BRD10: variants seen among roughly 807,000 people sequenced by gnomAD.
The protein encoded by BRD10 is bromodomain containing 10.
chr9:5,990,250 T>A, the BRD10 span, among the ~76,000 whole-genome samples: 2 of 152,322 alleles, frequency 1.3e-5, no homozygotes, highest in Admixed American at 1.3e-4. Context: ...GGGTGTACTT[T>A]AATTTATTTT....
chr9:5,903,328 T>C, the BRD10 span, among the ~76,000 whole-genome samples: 2 of 152,222 alleles, frequency 1.3e-5, no homozygotes, highest in Non-Finnish European at 2.9e-5. Context: ...AGATGTCTAT[T>C]ATATCTAGTT....
At chr9:5,953,690 A>G in the BRD10 span, among the ~76,000 whole-genome samples, 3 of 151,806 alleles carry the variant, frequency 2.0e-5, no homozygotes, top group Non-Finnish European at 4.4e-5. Flanking sequence ...TATTATATAT[A>G]TATACATACA....
At chr9:5,918,711 A>C in the BRD10 span, among the ~76,000 whole-genome samples, 3 of 148,044 alleles carry the variant, frequency 2.0e-5, no homozygotes, top group East Asian at 5.9e-4. Context: ...ACACCAACCT[A>C]ATACTTGGGG....
chr9:5,981,459 A>G, the BRD10 span, among the ~76,000 whole-genome samples: 1 of 152,208 alleles, frequency 6.6e-6, no homozygotes, highest in Non-Finnish European at 1.5e-5. Context: ...CTGGCAGAGG[A>G]GAGACACTGA....
the BRD10 span, among the ~76,000 whole-genome samples, chr9:6,004,981 A>G: frequency 5.9e-5 from 9 of 152,214 alleles, no homozygotes; most frequent in Non-Finnish European, 1.0e-4. Context: ...ATTTGAGGTC[A>G]TACTACTTTT....
the BRD10 span, among the ~76,000 whole-genome samples, chr9:5,912,128 T>C: frequency 6.6e-6 from 1 of 152,234 alleles, no homozygotes; most frequent in Non-Finnish European, 1.5e-5. Context: ...TATTTTATTT[T>C]ATTTGCAGCT....
the BRD10 span, among the ~76,000 whole-genome samples, chr9:5,930,258 C>T: frequency 6.6e-6 from 1 of 151,236 alleles, no homozygotes; most frequent in Non-Finnish European, 1.5e-5. Flanking sequence ...CCTACAGCAA[C>T]TGTTGAGTCC....
At chr9:5,941,265 A>C in the BRD10 span, among the ~76,000 whole-genome samples, 3 of 152,200 alleles carry the variant, frequency 2.0e-5, no homozygotes, top group African/African-American at 7.2e-5. Context: ...AAAACTAATA[A>C]ATTTTCTACA....
chr9:5,909,458 A>T, the BRD10 span: 1 of 152,176 alleles, frequency 6.6e-6, no homozygotes, highest in Non-Finnish European at 1.5e-5. Flanking sequence ...GGGTTTCTCC[A>T]TGTTGGTCAG....
At chr9:5,934,820 G>A in the BRD10 span, among the ~76,000 whole-genome samples, 3 of 151,982 alleles carry the variant, frequency 2.0e-5, no homozygotes, top group South Asian at 4.2e-4. Context: ...ATATCCAAAG[G>A]TATAATCTAA....
At chr9:5,942,908 G>A in the BRD10 span, among the ~76,000 whole-genome samples, 1 of 152,066 alleles carries the variant, frequency 6.6e-6, no homozygotes, top group South Asian at 2.1e-4. Context: ...GTCAGGCTCT[G>A]GTTCTGTTGC....
the BRD10 span, among the ~76,000 whole-genome samples, chr9:5,903,043 A>C: frequency 6.6e-6 from 1 of 152,196 alleles, no homozygotes. Context: ...CATTTAATTC[A>C]AAATATATTT....
chr9:5,969,458 T>C, the BRD10 span: 1 of 1,418,826 alleles, frequency 7.0e-7, no homozygotes, highest in African/African-American at 1.5e-5. Context: ...TAACAAATTA[T>C]ACTATTATTA....
the BRD10 span, among the ~76,000 whole-genome samples, chr9:5,984,369 A>G: frequency 3.9e-4 from 59 of 152,250 alleles, 1 homozygote; most frequent in African/African-American, 1.2e-3. Flanking sequence ...CAAGTGGTAC[A>G]GCATTATTTG....
the BRD10 span, chr9:5,898,860 A>T: frequency 6.6e-6 from 1 of 152,238 alleles, no homozygotes; most frequent in Non-Finnish European, 1.5e-5. Flanking sequence ...GCATCAGCAC[A>T]AAGGGTCACT....
chr9:5,977,803 C>A, the BRD10 span, among the ~76,000 whole-genome samples: 1 of 152,170 alleles, frequency 6.6e-6, no homozygotes, highest in African/African-American at 2.4e-5. Context: ...TCACTGCACT[C>A]CAGCCTGGGC....
At chr9:5,912,228 C>T in the BRD10 span, among the ~76,000 whole-genome samples, 75 of 152,080 alleles carry the variant, frequency 4.9e-4, no homozygotes, top group African/African-American at 1.7e-3. Flanking sequence ...GATTTTGTAC[C>T]CTGCAACTTT....
chr9:5,923,055 C>T, the BRD10 span: 9 of 1,613,986 alleles, frequency 5.6e-6, no homozygotes, highest in Non-Finnish European at 6.8e-6. Context: ...AATGATGGCT[C>T]TGTATGCTTT....
chr9:5,938,954 C>T, the BRD10 span, among the ~76,000 whole-genome samples: 1 of 152,072 alleles, frequency 6.6e-6, no homozygotes. Context: ...ACTTAAATCT[C>T]CTTATACTGT....
Sources: gnomAD v4.1 joint callset for allele counts (sites outside exome capture counted in the v4.1 genomes callset) on GRCh38, gnomAD v4.1.1 for gene constraint, MANE v1.5 for transcripts, NCBI Gene and HGNC (gene_info 2026-07-23, HGNC 2026-07-21) for gene names.